The following LOXHD1 variants were observed in gnomAD, a reference collection of about 807,000 sequenced individuals.
LOXHD1 encodes the protein lipoxygenase homology PLAT domains 1.
A neutral mutation model predicts 248.2 loss-of-function variants in LOXHD1; 205 were observed. That is an observed-to-expected ratio of 0.83 (90% CI 0.74 to 0.93). The LOEUF (loss-of-function observed/expected upper bound fraction) is 0.93, where lower values mean the gene tolerates loss of function less well. LOXHD1 is among the 40% of genes least tolerant of loss of function. The pLI, the probability that LOXHD1 is intolerant of heterozygous loss-of-function variation, is 0.00. For synonymous variants in LOXHD1, 1,113 were observed against 1,162.8 expected (o/e 0.96, Z 0.87); for missense variants, 2,930 against 2,971.6 (o/e 0.99, Z 0.33).
At chr18:46,500,200 A>G (rs1026258906) in intron 37 of LOXHD1, among the ~76,000 whole-genome samples, 5 of 152,092 alleles carry the variant, frequency 3.3e-5, no homozygotes, top group Non-Finnish European at 7.4e-5. Context: ...CACTTTCTCC[A>G]TAGACTCTGT....
At chr18:46,493,667 T>C (rs957183257) in intron 37 of LOXHD1, among the ~76,000 whole-genome samples, 37 of 152,238 alleles carry the variant, frequency 2.4e-4, no homozygotes, top group African/African-American at 8.4e-4. Context: ...TCCCACAGTT[T>C]TGAAAGTTTA....
intron 16 of LOXHD1, among the ~76,000 whole-genome samples, chr18:46,567,844 C>A (rs2037674660): frequency 6.6e-6 from 1 of 152,132 alleles, no homozygotes; most frequent in Non-Finnish European, 1.5e-5. Flanking sequence ...GCAGCCAGAG[C>A]CCATGCTCCC....
intron 8 of LOXHD1, among the ~76,000 whole-genome samples, chr18:46,599,769 T>G (rs1198219167): frequency 6.6e-6 from 1 of 152,046 alleles, no homozygotes; most frequent in Admixed American, 6.5e-5. Flanking sequence ...TGAACAGACA[T>G]TTTACATAAA....
At chr18:46,582,365 T>C (rs1283847790) in intron 12 of LOXHD1, among the ~76,000 whole-genome samples, 2 of 152,026 alleles carry the variant, frequency 1.3e-5, no homozygotes, top group Non-Finnish European at 2.9e-5. Context: ...TTATTTTAAA[T>C]TAAGATGGTA....
chr18:46,553,128 T>C (rs2037175698), intron 21 of LOXHD1, among the ~76,000 whole-genome samples: 1 of 152,228 alleles, frequency 6.6e-6, no homozygotes, highest in African/African-American at 2.4e-5. Context: ...GTAACAGTGT[T>C]AGCTCCTTAA....
intron 37 of LOXHD1, among the ~76,000 whole-genome samples, chr18:46,499,668 T>TTG (rs1341585275): frequency 4.1e-5 from 6 of 146,832 alleles, no homozygotes; most frequent in African/African-American, 1.5e-4. Context: ...TGGTGTGTGT[T>TTG]TGTGTGTGTG....
At chr18:46,515,929 A>G (rs1420973525) in intron 34 of LOXHD1, among the ~76,000 whole-genome samples, 1 of 152,136 alleles carries the variant, frequency 6.6e-6, no homozygotes, top group Non-Finnish European at 1.5e-5. Flanking sequence ...AAATCCAGAT[A>G]TGCTCCCCAA....
Position 46,485,167 on chromosome 18 carries a change from T to C in LOXHD1, c.6050-16A>G. 1 of 1,543,212 alleles carries C rather than the reference T, an allele frequency of 6.5e-7. No homozygotes were observed. Among genetic ancestry groups the C allele is most frequent in the Non-Finnish European group, 8.8e-7 (1 of 1,142,854 alleles). On this transcript the variant is annotated splice_polypyrimidine_tract_variant and intron_variant, in intron 38 of 40. Transcript: ENST00000642948. ...ATCTCGTAGGCTGTAATGGAGGAGGTGGGGGAGGGTCAGCACAGGGGAAGC... is the reference window on the plus strand; with the variant it reads ...ATCTCGTAGGCTGTAATGGAGGAGGCGGGGGAGGGTCAGCACAGGGGAAGC...
intron 8 of LOXHD1, among the ~76,000 whole-genome samples, chr18:46,596,182 A>G (rs1487282707): frequency 6.7e-6 from 1 of 148,560 alleles, no homozygotes; most frequent in African/African-American, 2.5e-5. Context: ...AATTTAGTGT[A>G]ATTCATATAT....
At chr18:46,648,735 C>T (rs1420659946) in intron 2 of LOXHD1, among the ~76,000 whole-genome samples, 1 of 152,222 alleles carries the variant, frequency 6.6e-6, no homozygotes, top group Non-Finnish European at 1.5e-5. Context: ...GCAGGTTTAA[C>T]ACAACACTGG....
At chr18:46,640,279 A>T (rs1279055732) in intron 3 of LOXHD1, among the ~76,000 whole-genome samples, 1 of 152,172 alleles carries the variant, frequency 6.6e-6, no homozygotes, top group Non-Finnish European at 1.5e-5. Context: ...AGCCAACTAG[A>T]CCACCTGATT....
At position 46,597,578 on chromosome 18, in the gene LOXHD1, A is replaced by ACC. The variant is rs1555684621; in HGVS notation, c.1135-3114_1135-3113dup. ...CACACACACACACACACACACACAC[A>ACC]CCCCTACCTGTACAATTTTGCAGGA... On this transcript the variant is annotated intron_variant, in intron 8 of 40. Transcript: ENST00000642948. Among the ~76,000 whole-genome samples, 470 of 149,784 alleles carry ACC rather than the reference A, an allele frequency of 3.1e-3. 14 individuals are homozygous for ACC. The highest frequency in any genetic ancestry group is 0.025 in the Admixed American group (369 of 15,050).
At chr18:46,498,940 T>C (rs1220167827) in intron 37 of LOXHD1, among the ~76,000 whole-genome samples, 3 of 152,204 alleles carry the variant, frequency 2.0e-5, no homozygotes, top group Non-Finnish European at 4.4e-5. Context: ...CTCAGTCACC[T>C]ACAGGGGAGA....
chr18:46,645,463 T>C (rs558635848), intron 2 of LOXHD1, among the ~76,000 whole-genome samples: 66 of 152,346 alleles, frequency 4.3e-4, no homozygotes, highest in African/African-American at 1.6e-3. Flanking sequence ...TGGTGAATTT[T>C]CAACCAAATA....
intron 2 of LOXHD1, 75 bp from the exon 3 acceptor site, chr18:46,642,111 T>A: frequency 7.9e-7 from 1 of 1,273,826 alleles, no homozygotes; most frequent in South Asian, 1.3e-5. Flanking sequence ...AGGGCTGGCA[T>A]TCCGCTTCTT....
intron 31 of LOXHD1, 82 bp from the exon 32 acceptor site, chr18:46,522,391 A>C: frequency 2.6e-6 from 3 of 1,163,222 alleles, no homozygotes; most frequent in Non-Finnish European, 3.7e-6. Context: ...TTTGGAAGTG[A>C]CCTCTGAGGG....
At position 46,522,218 on chromosome 18, in the gene LOXHD1, A is replaced by G; in HGVS notation, c.4968T>C (p.Asp1656=). The part of the protein sequence containing the change: ...RAFIFLIGED[D]ERSKRIWLDY... ...CCAACCAGATGCGCTTACTACGTTC[A>G]TCATCCTCCCCGATGAGAAAGATGA... is the stretch of plus-strand genomic sequence containing the variant. The change falls in exon 32 of 41, where the codon GAT becomes GAC. Residue 1656 remains aspartate, a synonymous_variant. Coordinates refer to ENST00000642948, the MANE Select transcript of LOXHD1 (RefSeq NM_001384474.1). 1 of 1,551,812 alleles carries G rather than the reference A, an allele frequency of 6.4e-7. No individual in the cohort carries two copies. Among genetic ancestry groups the G allele is most frequent in the Non-Finnish European group, 8.7e-7 (1 of 1,147,028 alleles).
intron 2 of LOXHD1, among the ~76,000 whole-genome samples, chr18:46,645,952 AC>A (rs1381056172): frequency 6.6e-6 from 1 of 152,206 alleles, no homozygotes; most frequent in Non-Finnish European, 1.5e-5. Flanking sequence ...CAGGAGAAAC[AC>A]CATGAAAGAG....
intron 2 of LOXHD1, among the ~76,000 whole-genome samples, chr18:46,643,862 AAACAG>A (rs2038994632): frequency 6.6e-6 from 1 of 152,214 alleles, no homozygotes; most frequent in Non-Finnish European, 1.5e-5. Context: ...ATACTTAATG[AAACAG>A]AAATAGGTTT....
Sources: allele counts gnomAD v4.1 joint callset (sites outside exome capture counted in the v4.1 genomes callset), GRCh38; gene constraint gnomAD v4.1.1; transcripts MANE v1.5; gene names NCBI Gene and HGNC (gene_info 2026-07-23, HGNC 2026-07-21).